The following PIEZO2 variants were observed in gnomAD, a reference collection of about 807,000 sequenced individuals.
The protein encoded by PIEZO2 is piezo-type mechanosensitive ion channel component 2.
Under a neutral mutation model 337.3 loss-of-function variants are expected in PIEZO2, and 172 were observed. The observed-to-expected ratio is 0.51, with a 90% CI of 0.45 to 0.58. The LOEUF (loss-of-function observed/expected upper bound fraction) is 0.58. Among genes scored for constraint, PIEZO2 ranks in the 20% least tolerant of loss-of-function variants. PIEZO2 has a pLI of 0.00. For missense variants in PIEZO2, 3,028 were observed against 3,391.3 expected, an observed-to-expected ratio of 0.89 and a Z score of 2.66; for synonymous variants, 1,251 against 1,228.5, an observed-to-expected ratio of 1.02 and a Z score of -0.38.
intron 7 of PIEZO2, among the ~76,000 whole-genome samples, chr18:10,809,417 C>T (rs9973185): frequency 0.02 from 3,001 of 151,802 alleles, 105 homozygotes; most frequent in African/African-American, 0.069. Flanking sequence ...ACCACAGGTG[C>T]GCACCACCAT....
intron 27 of PIEZO2, among the ~76,000 whole-genome samples, 165 bp downstream of exon 27, chr18:10,757,804 G>T (rs1391267587): frequency 2.0e-5 from 3 of 152,042 alleles, no homozygotes; most frequent in Non-Finnish European, 1.5e-5. Flanking sequence ...TAATTCAGAG[G>T]CTCAGCCTCC....
chr18:11,090,773 G>A (rs569505582), intron 1 of PIEZO2, among the ~76,000 whole-genome samples: 1 of 152,078 alleles, frequency 6.6e-6, no homozygotes, highest in Non-Finnish European at 1.5e-5. Flanking sequence ...CTAGCTGGGC[G>A]TGGTGGCGGG....
chr18:10,711,334 A>G (rs552057010), intron 39 of PIEZO2, among the ~76,000 whole-genome samples: 1 of 152,152 alleles, frequency 6.6e-6, no homozygotes, highest in Non-Finnish European at 1.5e-5. Context: ...ACCTTTGAAT[A>G]TTCTCTGAGG....
intron 27 of PIEZO2, among the ~76,000 whole-genome samples, chr18:10,753,988 G>A (rs566904659): frequency 1.7e-4 from 26 of 152,278 alleles, no homozygotes; most frequent in Non-Finnish European, 3.5e-4. Context: ...GGGGCCTTCT[G>A]AAGTGTGTGT....
chr18:10,941,863 C>T (rs1209172493), intron 3 of PIEZO2, among the ~76,000 whole-genome samples: 2 of 152,196 alleles, frequency 1.3e-5, no homozygotes, highest in East Asian at 1.9e-4. Context: ...TCTTGTAGCT[C>T]CCATAATTCC....
chr18:10,985,500 T>C (rs1325038394), intron 2 of PIEZO2, among the ~76,000 whole-genome samples: 1 of 152,064 alleles, frequency 6.6e-6, no homozygotes, highest in Non-Finnish European at 1.5e-5. Context: ...ACCATACATG[T>C]ATGGGTTAAT....
In PIEZO2 at chr18:10,969,286, T is replaced by C. The variant is rs2034142262; in HGVS notation, c.286+10249A>G. ...GAAATGCTGCATCATGAAGCTGAGG[T>C]TAGAGAATTTGTTATTTAAGCAAAC... On this transcript the variant is annotated intron_variant, in intron 3 of 55. Coordinates refer to ENST00000674853, the MANE Select transcript of PIEZO2 (RefSeq NM_001378183.1). This position sits in a 1 kb window ranked among gnomAD's most constrained non-coding sequence, Gnocchi z 4.5. 6.6e-6 allele frequency among the ~76,000 whole-genome samples: 1 copy of C among 152,184 alleles called. No individual in the cohort carries two copies. The highest frequency in any genetic ancestry group is 1.5e-5 in the Non-Finnish European group (1 of 68,036).
chr18:10,998,396 T>C (rs990398444), intron 2 of PIEZO2, among the ~76,000 whole-genome samples: 12 of 151,882 alleles, frequency 7.9e-5, no homozygotes, highest in African/African-American at 2.9e-4. Flanking sequence ...ATTACAGTCT[T>C]GCTCCAGTTA....
At chr18:11,067,037 G>A (rs1460827942) in intron 1 of PIEZO2, among the ~76,000 whole-genome samples, 1 of 152,130 alleles carries the variant, frequency 6.6e-6, no homozygotes, top group Non-Finnish European at 1.5e-5. Flanking sequence ...TAGACAAAAA[G>A]TACAAAATCG....
intron 7 of PIEZO2, among the ~76,000 whole-genome samples, chr18:10,829,491 G>A (rs2040778128): frequency 6.6e-6 from 1 of 152,030 alleles, no homozygotes; most frequent in Non-Finnish European, 1.5e-5. Context: ...CATCCAATTT[G>A]GAAAGGAAAA....
At position 11,096,431 on chromosome 18, in the gene PIEZO2, C is replaced by T. The variant is rs2039265333; in HGVS notation, c.65-30209G>A. 1.3e-5 allele frequency among the ~76,000 whole-genome samples: 2 copies of T among 152,192 alleles called. No homozygotes were observed. Among genetic ancestry groups the T allele is most frequent in the Non-Finnish European group, 2.9e-5 (2 of 68,022 alleles). On this transcript the variant is annotated intron_variant, in intron 1 of 55. Coordinates refer to ENST00000674853, the MANE Select transcript of PIEZO2 (RefSeq NM_001378183.1). The surrounding 1 kb of genome is among the most constrained non-coding windows in gnomAD (Gnocchi z 4.6). ...AATCCAGGAGCCTGGTCCCGGGCTCCACACCTGGTTCTGCCTCCTAAGAGC... is the reference window on the plus strand; with the variant it reads ...AATCCAGGAGCCTGGTCCCGGGCTCTACACCTGGTTCTGCCTCCTAAGAGC...
At chr18:11,055,124 T>C (rs949872700) in intron 2 of PIEZO2, among the ~76,000 whole-genome samples, 6 of 139,756 alleles carry the variant, frequency 4.3e-5, no homozygotes, top group African/African-American at 8.1e-5. Flanking sequence ...GGCAGGAGAA[T>C]GGCGTGAACC....
At chr18:10,923,798 G>T (rs1486419752) in intron 3 of PIEZO2, among the ~76,000 whole-genome samples, 1 of 139,296 alleles carries the variant, frequency 7.2e-6, no homozygotes, top group African/African-American at 2.7e-5. Context: ...AGATGGCAAT[G>T]ATTCAACTCT....
intron 51 of PIEZO2, among the ~76,000 whole-genome samples, chr18:10,680,931 G>C (rs2034237785): frequency 6.6e-6 from 1 of 152,156 alleles, no homozygotes; most frequent in South Asian, 2.1e-4. Context: ...GTGGAATATA[G>C]ACAAGAGAAT....
chr18:10,857,342 C>T (rs759902836), intron 5 of PIEZO2, 131 bp from the exon 6 acceptor site: 6 of 722,546 alleles, frequency 8.3e-6, no homozygotes, highest in Non-Finnish European at 1.4e-5. Context: ...GGGAAGACAA[C>T]CAGTTCATTC....
rs931138586 is a variant in PIEZO2, at chr18:10,767,557, C to T, written c.2946+2591G>A. ...CTCTGCGCGCAGCCCGAGTGAGGAG[C>T]TAATGACTCGGAGCCCGATGCGTGA... On this transcript the variant is annotated intron_variant, in intron 21 of 55. Coordinates refer to ENST00000674853, the MANE Select transcript of PIEZO2 (RefSeq NM_001378183.1). This position sits in a 1 kb window ranked among gnomAD's most constrained non-coding sequence, Gnocchi z 4.2. 1.3e-5 allele frequency among the ~76,000 whole-genome samples: 2 copies of T among 152,146 alleles called. No homozygotes were observed. Among genetic ancestry groups the T allele is most frequent in the Admixed American group, 1.3e-4 (2 of 15,280 alleles).
chr18:10,693,481 T>C (rs541957132), intron 47 of PIEZO2, among the ~76,000 whole-genome samples: 1 of 151,796 alleles, frequency 6.6e-6, no homozygotes. Context: ...GCGATTCTCC[T>C]GCCTCAGCCT....
At chr18:10,937,914 C>T (rs1486557291) in intron 3 of PIEZO2, among the ~76,000 whole-genome samples, 2 of 152,176 alleles carry the variant, frequency 1.3e-5, no homozygotes, top group African/African-American at 4.8e-5. Flanking sequence ...TGCTATAATT[C>T]AACCAGTTCT....
intron 43 of PIEZO2, 133 bp from the exon 44 acceptor site, chr18:10,699,310 C>T: frequency 1.7e-6 from 2 of 1,211,744 alleles, no homozygotes; most frequent in African/African-American, 1.6e-5. Flanking sequence ...TTGGCTGTGT[C>T]CCCATATCTC....
Sources: gnomAD v4.1 joint callset for allele counts (sites outside exome capture counted in the v4.1 genomes callset) on GRCh38, gnomAD v4.1.1 for gene constraint, Gnocchi (gnomAD v3.1) non-coding constraint, MANE v1.5 for transcripts, NCBI Gene and HGNC (gene_info 2026-07-23, HGNC 2026-07-21) for gene names.